Variants in NAA50 observed in about 807,000 individuals in gnomAD.
NAA50 encodes N-alpha-acetyltransferase 50.
A neutral mutation model predicts 20.7 loss-of-function variants in NAA50; 7 were observed. That is an observed-to-expected ratio of 0.34 (90% CI 0.19 to 0.63). The LOEUF (loss-of-function observed/expected upper bound fraction) is 0.63. Among genes scored for constraint, NAA50 ranks in the 30% least tolerant of loss-of-function variants. The pLI is 0.75. For synonymous variants in NAA50, 54 were observed against 70.6 expected (o/e 0.77, Z 1.18); for missense variants, 111 against 199.1 (o/e 0.56, Z 2.66).
At chr3:113,731,715 CAAGAA>C (rs1349002392) in intron 1 of NAA50, among the ~76,000 whole-genome samples, 1 of 152,294 alleles carries the variant, frequency 6.6e-6, no homozygotes, top group African/African-American at 2.4e-5. Flanking sequence ...TGGAAGCACA[CAAGAA>C]AAGTGATCTT....
chr3:113,741,060 G>C, intron 1 of NAA50: 1 of 501,966 alleles, frequency 2.0e-6, no homozygotes, highest in Non-Finnish European at 3.9e-6. Context: ...AATCTGAACT[G>C]AACAAGCTGT....
intron 1 of NAA50, among the ~76,000 whole-genome samples, chr3:113,742,600 T>C (rs941197679): frequency 8.5e-5 from 13 of 152,158 alleles, no homozygotes; most frequent in Admixed American, 5.9e-4. Context: ...GCATTCCTTT[T>C]GCCCCTTCCC....
intron 1 of NAA50, among the ~76,000 whole-genome samples, chr3:113,728,332 G>T (rs1328681438): frequency 6.6e-6 from 1 of 152,130 alleles, no homozygotes; most frequent in South Asian, 2.1e-4. Flanking sequence ...ATAAATATTT[G>T]AGTATCTATG....
chr3:113,733,331 A>T (rs1415877379), intron 1 of NAA50, among the ~76,000 whole-genome samples: 1 of 139,344 alleles, frequency 7.2e-6, no homozygotes, highest in Non-Finnish European at 1.6e-5. Flanking sequence ...AAAATCTAAA[A>T]CTACTCAATT....
rs576825241 is a variant in NAA50, at chr3:113,720,515, G to A, written c.*1245C>T. 33 of 152,726 alleles carry A rather than the reference G, an allele frequency of 2.2e-4. No homozygotes were observed. Among genetic ancestry groups the A allele is most frequent in the East Asian group, 9.6e-4 (5 of 5,186 alleles). The allele number at this position is 152,726 out of a possible 1,614,324, so 9.5% of individuals were successfully genotyped here. On this transcript the variant is annotated 3_prime_UTR_variant, in exon 5 of 5. Coordinates refer to ENST00000240922, the MANE Select transcript of NAA50 (RefSeq NM_025146.4). ...GCATAAACCAGTCCTCTCAGTGGAG[G>A]AGGTCACAGTGACATTTGTATTATT...
chr3:113,732,573 C>T (rs146916211), intron 1 of NAA50, among the ~76,000 whole-genome samples: 225 of 152,148 alleles, frequency 1.5e-3, no homozygotes, highest in African/African-American at 5.1e-3. Flanking sequence ...GGTGGCCCCA[C>T]GCTTGGGGCA....
intron 1 of NAA50, among the ~76,000 whole-genome samples, chr3:113,738,923 C>A (rs1577072662): frequency 6.6e-6 from 1 of 152,230 alleles, no homozygotes; most frequent in East Asian, 1.9e-4. Flanking sequence ...GCCCTAATGT[C>A]TCACCCCTAC....
At chr3:113,728,898 T>C (rs1011093765) in intron 1 of NAA50, among the ~76,000 whole-genome samples, 1 of 152,244 alleles carries the variant, frequency 6.6e-6, no homozygotes, top group Non-Finnish European at 1.5e-5. Context: ...TGATGGCCTC[T>C]CCATCCTTGG....
chr3:113,743,283 T>C (rs554881032), intron 1 of NAA50, among the ~76,000 whole-genome samples: 1 of 152,334 alleles, frequency 6.6e-6, no homozygotes, highest in South Asian at 2.1e-4. Context: ...TGGCTTCGTG[T>C]TGGGACTTCC....
Position 113,720,756 on chromosome 3 carries a change from T to C in NAA50, c.*1004A>G, listed in dbSNP as rs1192961634. 2 of 152,304 alleles carry C rather than the reference T, an allele frequency of 1.3e-5. No individual in the cohort carries two copies. The highest frequency in any genetic ancestry group is 3.8e-4 in the East Asian group (2 of 5,206). The allele number at this position is 152,304 out of a possible 1,614,324, so 9.4% of individuals were successfully genotyped here. A position where few individuals can be genotyped will look rare whatever the true frequency, so the allele number is the denominator to read the frequency against. ...GTGGCCACACTTTTAACAGCTGGCATTAGATGACAGTAATTGAATTTTTTG... is the reference window on the plus strand; with the variant it reads ...GTGGCCACACTTTTAACAGCTGGCACTAGATGACAGTAATTGAATTTTTTG... On this transcript the variant is annotated 3_prime_UTR_variant, in exon 5 of 5. Transcript: ENST00000240922.
In NAA50 at chr3:113,745,909, C is replaced by A. The variant is rs548097362; in HGVS notation, c.8+33G>T. On this transcript the variant is annotated intron_variant, in intron 1 of 4. Transcript: ENST00000240922. ...CATGGGCCCGGACCCTTCTACCCCA[C>A]CGGCCGGGCCCTGCCCGGCTGCCCT... 1.4e-4 allele frequency: 221 copies of A among 1,600,838 alleles called. 1 individual carries two copies. The highest frequency in any genetic ancestry group is 1.8e-4 in the Non-Finnish European group (210 of 1,177,422).
At chr3:113,745,908 A>C (rs1275422112) in intron 1 of NAA50, 34 bp downstream of exon 1, 1 of 1,596,612 alleles carries the variant, frequency 6.3e-7, no homozygotes. Flanking sequence ...CTTCTACCCC[A>C]CCGGCCGGGC....
intron 1 of NAA50, among the ~76,000 whole-genome samples, chr3:113,745,459 T>A (rs1166638545): frequency 6.6e-6 from 1 of 152,146 alleles, no homozygotes; most frequent in African/African-American, 2.4e-5. Context: ...GTGCTCTTTA[T>A]TCCAATTTCT....
At chr3:113,722,798 CA>C in intron 4 of NAA50, 107 bp downstream of exon 4, 1 of 1,265,492 alleles carries the variant, frequency 7.9e-7, no homozygotes, top group Non-Finnish European at 1.1e-6. Flanking sequence ...ACTACTTCCA[CA>C]GTGTTTCCAA....
At chr3:113,723,141 ATGT>A (rs1283035479) in intron 3 of NAA50, among the ~76,000 whole-genome samples, 169 bp from the exon 4 acceptor site, 2 of 152,190 alleles carry the variant, frequency 1.3e-5, no homozygotes, top group East Asian at 3.8e-4. Flanking sequence ...ATAGCTACGT[ATGT>A]TTAAAACTGT....
Position 113,719,372 on chromosome 3 carries a change from G to A in NAA50, c.*2388C>T, listed in dbSNP as rs1195595746. On this transcript the variant is annotated 3_prime_UTR_variant, in exon 5 of 5. Transcript: ENST00000240922. ...AAAAACTATCTGTCCTGAAAAATAT[G>A]ATGGATATATCCTGTGATTTTCCAG... 2.0e-5 allele frequency: 3 copies of A among 152,524 alleles called. No individual in the cohort carries two copies. The highest frequency in any genetic ancestry group is 7.3e-5 in the African/African-American group (3 of 41,376). 9.4% of individuals were successfully genotyped at this position (152,524 alleles called of 1,614,324 possible). A position where few individuals can be genotyped will look rare whatever the true frequency, so the allele number is the denominator to read the frequency against.
chr3:113,730,320 T>C (rs74467229), intron 1 of NAA50, among the ~76,000 whole-genome samples: 3,471 of 152,240 alleles, frequency 0.023, 66 homozygotes, highest in Non-Finnish European at 0.034. Flanking sequence ...AATGTAATTA[T>C]TGAATTACTG....
At chr3:113,728,384 A>G (rs976587499) in intron 1 of NAA50, among the ~76,000 whole-genome samples, 1 of 152,216 alleles carries the variant, frequency 6.6e-6, no homozygotes, top group Non-Finnish European at 1.5e-5. Context: ...ATCTGGTAGG[A>G]AAGACAGGTA....
At chr3:113,723,028 G>C in intron 3 of NAA50, 56 bp from the exon 4 acceptor site, 2 of 1,464,486 alleles carry the variant, frequency 1.4e-6, no homozygotes, top group South Asian at 2.6e-5. Context: ...TTTAAATTAT[G>C]TATCTATCCA....
Sources: allele counts gnomAD v4.1 joint callset (sites outside exome capture counted in the v4.1 genomes callset), GRCh38; gene constraint gnomAD v4.1.1; transcripts MANE v1.5; gene names NCBI Gene and HGNC (gene_info 2026-07-23, HGNC 2026-07-21).